The following ERLEC1 variants were observed in gnomAD, a reference collection of about 807,000 sequenced individuals.
The protein encoded by ERLEC1 is endoplasmic reticulum lectin 1.
In ERLEC1, 47 loss-of-function variants were observed where a neutral mutation model predicts 68.0. That is an observed-to-expected ratio of 0.69 (90% CI 0.55 to 0.88). The LOEUF (loss-of-function observed/expected upper bound fraction) is 0.88, where lower values mean the gene tolerates loss of function less well. ERLEC1 is among the 40% of genes least tolerant of loss of function. The pLI is 0.00. For synonymous variants in ERLEC1, 225 were observed against 203.2 expected (o/e 1.11, Z -0.91); for missense variants, 567 against 583.8 (o/e 0.97, Z 0.30).
intron 8 of ERLEC1, among the ~76,000 whole-genome samples, chr2:53,806,207 G>C (rs545836247): frequency 6.6e-6 from 1 of 152,182 alleles, no homozygotes; most frequent in East Asian, 1.9e-4. Flanking sequence ...GGACTATTAG[G>C]AGTCCATGTA....
In ERLEC1 at chr2:53,814,930, C is replaced by A; in HGVS notation, c.1375C>A (p.Leu459Ile). 6.4e-7 allele frequency: 1 copy of A among 1,554,860 alleles called. No homozygotes were observed. Among genetic ancestry groups the A allele is most frequent in the Non-Finnish European group, 8.8e-7 (1 of 1,141,758 alleles). The change falls in exon 13 of 14, where the codon CTT becomes ATT. Residue 459 changes from leucine to isoleucine, a missense_variant. Transcript: ENST00000185150. ...AGAGCCTCACTCCTGTCAATATATT[C>A]TTGGGGTAAGTTAAAAAGAAAATAA... ...MLEPHSCQYILGVESPVICKI... is the reference protein window; with the variant it reads ...MLEPHSCQYIIGVESPVICKI...
intron 3 of ERLEC1, 135 bp from the exon 4 acceptor site, chr2:53,797,380 G>A (rs1402726496): frequency 1.0e-5 from 6 of 600,096 alleles, no homozygotes. Flanking sequence ...ATTTTTTTGA[G>A]GCATAATTAT....
rs554637503 is a variant in ERLEC1 at position 53,799,209 on chromosome 2, T to C, written c.525+128T>C. 1.3e-5 allele frequency: 10 copies of C among 750,258 alleles called. No individual in the cohort carries two copies. The African/African-American group carries it at 1.4e-4, about 11-fold the overall frequency. The allele number at this position is 750,258 out of a possible 1,614,324, so 46.5% of individuals were successfully genotyped here. A position where few individuals can be genotyped will look rare whatever the true frequency, so the allele number is the denominator to read the frequency against. Reference sequence around the variant, plus strand: ...TCATCTATCAAATACCTTGAAGGACTGGGTCAAAGAATCTTTGCAGTATAT... The same window carrying C: ...TCATCTATCAAATACCTTGAAGGACCGGGTCAAAGAATCTTTGCAGTATAT... On this transcript the variant is annotated intron_variant, in intron 6 of 13. Coordinates refer to ENST00000185150, the MANE Select transcript of ERLEC1 (RefSeq NM_015701.5).
intron 1 of ERLEC1, among the ~76,000 whole-genome samples, chr2:53,792,216 CT>C (rs535494639): frequency 0.17 from 23,701 of 138,058 alleles, 1,994 homozygotes; most frequent in Admixed American, 0.25. Context: ...CGCGCCAGGC[CT>C]TTTTTTTTTT....
At chr2:53,790,777 A>G (rs548855710) in intron 1 of ERLEC1, among the ~76,000 whole-genome samples, 19 of 152,278 alleles carry the variant, frequency 1.2e-4, no homozygotes, top group Admixed American at 1.0e-3. Context: ...CTGGCCAAAA[A>G]ATTTGTGTAT....
intron 1 of ERLEC1, 35 bp from the exon 2 acceptor site, chr2:53,794,310 G>A: frequency 1.1e-6 from 1 of 922,930 alleles, no homozygotes; most frequent in Non-Finnish European, 1.7e-6. Context: ...CAATTTCACG[G>A]AGAACATAAT....
intron 1 of ERLEC1, among the ~76,000 whole-genome samples, chr2:53,791,252 A>G (rs1016662366): frequency 6.6e-6 from 1 of 152,254 alleles, no homozygotes; most frequent in Non-Finnish European, 1.5e-5. Context: ...TAGTTTCACT[A>G]TATTAAAATT....
chr2:53,803,965 C>T (rs983554307), intron 8 of ERLEC1, among the ~76,000 whole-genome samples: 6 of 152,100 alleles, frequency 3.9e-5, no homozygotes, highest in Non-Finnish European at 8.8e-5. Context: ...CCCATCTCTA[C>T]TAAAAATACA....
At position 53,812,951 on chromosome 2, in the gene ERLEC1, C is replaced by G. The variant is rs534710216; in HGVS notation, c.1104C>G (p.Asp368Glu). ...YGKHVHQYHE[D>E]KDSGKTSVVV... ...CACAAATTTTTTTCCCATATTAGGA[C>G]AAGGATAGTGGGAAAACCTCTGTGG... Residue 368 changes from aspartate to glutamate, a missense_variant and splice_region_variant, in exon 11 of 14, where the codon GAC (aspartate) becomes GAG (glutamate). Transcript: ENST00000185150. 14 of 1,607,660 alleles carry G rather than the reference C, an allele frequency of 8.7e-6. No homozygotes were observed. In the East Asian group the frequency reaches 2.9e-4, roughly 33 times the overall value.
chr2:53,796,041 T>A, intron 3 of ERLEC1, 28 bp downstream of exon 3: 1 of 1,407,270 alleles, frequency 7.1e-7, no homozygotes, highest in Non-Finnish European at 9.8e-7. Context: ...ACTTGATGAC[T>A]AGAAAATAGA....
chr2:53,816,265 G>GT lies in ERLEC1; in HGVS notation c.1380+1349dup, dbSNP rs57918616. ...CTGGCTGATTTTTGGGTTTTGGTTG[G>GT]TTTTTTTTTTTTTTTTTTTGAAATG... is the stretch of plus-strand genomic sequence containing the variant. On this transcript the variant is annotated intron_variant, in intron 13 of 13. Coordinates refer to ENST00000185150, the MANE Select transcript of ERLEC1 (RefSeq NM_015701.5). Among the ~76,000 whole-genome samples the GT allele has an allele frequency of 3.9e-3, 477 of 121,784 alleles. 2 individuals carry two copies. The highest frequency in any genetic ancestry group is 5.0e-3 in the Non-Finnish European group (293 of 58,786). 79.9% of individuals were successfully genotyped at this position (121,784 alleles called of 152,430 possible).
intron 1 of ERLEC1, 27 bp downstream of exon 1, chr2:53,787,399 C>A (rs763847975): frequency 6.3e-7 from 1 of 1,591,372 alleles, no homozygotes; most frequent in South Asian, 1.1e-5. Flanking sequence ...ACCCCGCAGC[C>A]ACCCCTCCTC....
At chr2:53,793,228 GT>G (rs991090080) in intron 1 of ERLEC1, among the ~76,000 whole-genome samples, 2 of 152,092 alleles carry the variant, frequency 1.3e-5, no homozygotes, top group African/African-American at 4.8e-5. Flanking sequence ...GCAGAGATTT[GT>G]TTTTACTAAA....
chr2:53,815,044 T>C, intron 13 of ERLEC1, 109 bp downstream of exon 13: 1 of 665,940 alleles, frequency 1.5e-6, no homozygotes, highest in Non-Finnish European at 2.4e-6. Context: ...TCTTGCTCTG[T>C]GGCTCAGGCA....
At chr2:53,790,027 A>AAAAAG (rs1449064989) in intron 1 of ERLEC1, among the ~76,000 whole-genome samples, 1 of 151,314 alleles carries the variant, frequency 6.6e-6, no homozygotes, top group Non-Finnish European at 1.5e-5. Flanking sequence ...AAAAAAAAAA[A>AAAAAG]AAAAGAAAAG....
Position 53,813,036 on chromosome 2 carries a change from G to A in ERLEC1, c.1189G>A (p.Ala397Thr). ...IEWAKKNTAR[A>T]YHLQDDGTQT... The stretch of plus-strand genomic sequence containing the variant: ...ATGGGCTAAGAAGAATACTGCTAGA[G>A]CTTATCATCTTCAAGACGATGGTAC... Residue 397 changes from alanine to threonine, a missense_variant, in exon 11 of 14, where the codon GCT becomes ACT. Transcript: ENST00000185150. 1 of 1,613,116 alleles carries A rather than the reference G, an allele frequency of 6.2e-7. No homozygotes were observed. Among genetic ancestry groups the A allele is most frequent in the South Asian group, 1.1e-5 (1 of 90,688 alleles).
At position 53,787,066 on chromosome 2, in the gene ERLEC1, C is replaced by A; in HGVS notation, c.-145C>A. The A allele has an allele frequency of 1.7e-6, 2 of 1,191,364 alleles. No individual in the cohort carries two copies. Among genetic ancestry groups the A allele is most frequent in the South Asian group, 1.8e-5 (1 of 56,862 alleles). 73.8% of individuals were successfully genotyped at this position (1,191,364 alleles called of 1,614,324 possible). A position where few individuals can be genotyped will look rare whatever the true frequency, so the allele number is the denominator to read the frequency against. ...GGCGGAGGCGGCGTTGCCGGGCTCT[C>A]CGGAAGGAGACGTGGCGGCGGTTGG... On this transcript the variant is annotated 5_prime_UTR_variant, in exon 1 of 14. Coordinates refer to ENST00000185150, the MANE Select transcript of ERLEC1 (RefSeq NM_015701.5).
intron 3 of ERLEC1, among the ~76,000 whole-genome samples, chr2:53,797,079 G>A (rs1675752639): frequency 6.6e-6 from 1 of 152,016 alleles, no homozygotes; most frequent in Non-Finnish European, 1.5e-5. Flanking sequence ...TTTTTTAGTA[G>A]AGATGGGGTT....
intron 13 of ERLEC1, 80 bp downstream of exon 13, chr2:53,815,015 T>TC: frequency 1.2e-6 from 1 of 862,522 alleles, no homozygotes; most frequent in South Asian, 1.7e-5. Flanking sequence ...TTTTTTTTTT[T>TC]TGTTTTTTTG....
Sources: allele counts gnomAD v4.1 joint callset (sites outside exome capture counted in the v4.1 genomes callset), GRCh38; gene constraint gnomAD v4.1.1; transcripts MANE v1.5; gene names NCBI Gene and HGNC (gene_info 2026-07-23, HGNC 2026-07-21).